SSBP4: variants seen among roughly 807,000 people sequenced by gnomAD.
SSBP4 encodes single-stranded DNA-binding protein 4.
A neutral mutation model predicts 64.6 loss-of-function variants in SSBP4; 33 were observed. That is an observed-to-expected ratio of 0.51 (90% CI 0.39 to 0.68). SSBP4 has a LOEUF of 0.68. Among genes scored for constraint, SSBP4 ranks in the 30% least tolerant of loss-of-function variants. The pLI, the probability that SSBP4 is intolerant of heterozygous loss-of-function variation, is 0.00. For missense variants in SSBP4, 583 were observed against 566.8 expected (o/e 1.03, Z -0.29); for synonymous variants, 243 against 224.0 (o/e 1.08, Z -0.76).
the SSBP4 span, among the ~76,000 whole-genome samples, chr19:18,411,639 T>C: frequency 3.9e-5 from 6 of 152,098 alleles, no homozygotes; most frequent in Non-Finnish European, 7.4e-5. Flanking sequence ...GTAGAAAAGG[T>C]ATCCCGGCCA....
At position 18,432,558 on chromosome 19, in the gene SSBP4, G is replaced by A. The variant is rs1280341210; in HGVS notation, c.705-1G>A. On this transcript the variant is annotated splice_acceptor_variant, in intron 10 of 17. Transcript: ENST00000270061. LOFTEE classifies it high-confidence loss of function. ...AGTCTGTCATCCGCGGTCTCTTCCA[G>A]GGGCCCAGGAGTTCGTGGCCCGTGG... is the stretch of plus-strand genomic sequence containing the variant. 1 of 1,573,376 alleles carries A rather than the reference G, an allele frequency of 6.4e-7. No individual in the cohort carries two copies. The highest frequency in any genetic ancestry group is 8.6e-7 in the Non-Finnish European group (1 of 1,156,350).
chr19:18,423,855 G>A lies in SSBP4; in HGVS notation c.60-3496G>A, dbSNP rs1442172428. The stretch of plus-strand genomic sequence containing the variant: ...CCTCATAGGTGACAGGCCCTGAGAG[G>A]TTGTACCGGCCCAGGGCAGGTGGCC... On this transcript the variant is annotated intron_variant, in intron 1 of 17. Coordinates refer to ENST00000270061, the MANE Select transcript of SSBP4 (RefSeq NM_032627.5). The surrounding 1 kb of genome is among the most constrained non-coding windows in gnomAD (Gnocchi z 4.0). Among the ~76,000 whole-genome samples the A allele has an allele frequency of 1.3e-5, 2 of 152,300 alleles. No homozygotes were observed. The highest frequency in any genetic ancestry group is 1.3e-4 in the Admixed American group (2 of 15,308).
chr19:18,416,980 T>C (rs887357844), upstream of SSBP4, among the ~76,000 whole-genome samples: 1 of 152,160 alleles, frequency 6.6e-6, no homozygotes. Flanking sequence ...TCCTTCCCGG[T>C]TGCCATGAGA....
At chr19:18,428,274 G>A (rs1183856296) in intron 4 of SSBP4, among the ~76,000 whole-genome samples, 1 of 152,194 alleles carries the variant, frequency 6.6e-6, no homozygotes, top group South Asian at 2.1e-4. Flanking sequence ...ACTGGGGGGT[G>A]CCATTTCCCC....
upstream of SSBP4, among the ~76,000 whole-genome samples, chr19:18,414,113 G>A (rs1972113812): frequency 6.6e-6 from 1 of 152,202 alleles, no homozygotes; most frequent in South Asian, 2.1e-4. Context: ...GCAGCCACGT[G>A]GTTAGGCCCA....
At position 18,434,273 on chromosome 19, in the gene SSBP4, C is replaced by T. The variant is rs775560813; in HGVS notation, c.*27C>T. 5 of 1,608,940 alleles carry T rather than the reference C, an allele frequency of 3.1e-6. No individual in the cohort carries two copies. Among genetic ancestry groups the T allele is most frequent in the African/African-American group, 2.7e-5 (2 of 74,654 alleles). On this transcript the variant is annotated 3_prime_UTR_variant, in exon 18 of 18. Coordinates refer to ENST00000270061, the MANE Select transcript of SSBP4 (RefSeq NM_032627.5). ...GGGGCGGCAGCCCCGGGCCTCTCTGCGGGCCTAGGCTTCTGCCCAGCGCCC... is the reference window on the plus strand; with the variant it reads ...GGGGCGGCAGCCCCGGGCCTCTCTGTGGGCCTAGGCTTCTGCCCAGCGCCC...
intron 1 of SSBP4, among the ~76,000 whole-genome samples, chr19:18,422,283 G>A (rs1267652467): frequency 6.6e-6 from 1 of 152,184 alleles, no homozygotes; most frequent in Non-Finnish European, 1.5e-5. Context: ...CTGCATTCCT[G>A]GCCCCCTTCC....
rs139476403 is a variant in SSBP4 at position 18,423,393 on chromosome 19, G to A, written c.59+3686G>A. ...GTGTGGAGGGTAGTAAGGAGAGGCCGCCACTTTGCCAAGAAGCTGCCAGAG... is the reference window on the plus strand; with the variant it reads ...GTGTGGAGGGTAGTAAGGAGAGGCCACCACTTTGCCAAGAAGCTGCCAGAG... On this transcript the variant is annotated intron_variant, in intron 1 of 17. Transcript: ENST00000270061. This position sits in a 1 kb window ranked among gnomAD's most constrained non-coding sequence, Gnocchi z 4.0. Among the ~76,000 whole-genome samples, 1 of 152,234 alleles carries A rather than the reference G, an allele frequency of 6.6e-6. No individual in the cohort carries two copies. Among genetic ancestry groups the A allele is most frequent in the Non-Finnish European group, 1.5e-5 (1 of 68,016 alleles).
chr19:18,427,828 G>A lies in SSBP4; in HGVS notation c.194+15G>A. ...TCCTGGTGGTGGTACGGGCTGGGCTGCTGTGGGTGGGCTGTGGAAGGGGGT... is the reference window on the plus strand; with the variant it reads ...TCCTGGTGGTGGTACGGGCTGGGCTACTGTGGGTGGGCTGTGGAAGGGGGT... On this transcript the variant is annotated intron_variant, in intron 3 of 17. Transcript: ENST00000270061. The surrounding 1 kb of genome is among the most constrained non-coding windows in gnomAD (Gnocchi z 4.4). 1 of 1,612,870 alleles carries A rather than the reference G, an allele frequency of 6.2e-7. No individual in the cohort carries two copies. The highest frequency in any genetic ancestry group is 8.5e-7 in the Non-Finnish European group (1 of 1,179,036).
At position 18,432,203 on chromosome 19, in the gene SSBP4, T is replaced by A. The variant is rs1175374673; in HGVS notation, c.693T>A (p.Pro231=). The A allele has an allele frequency of 6.2e-7, 1 of 1,613,040 alleles. No homozygotes were observed. Among genetic ancestry groups the A allele is most frequent in the African/African-American group, 1.3e-5 (1 of 74,946 alleles). Residue 231 remains proline, a synonymous_variant, in exon 10 of 18, where the codon CCT becomes CCA. Transcript: ENST00000270061. Reference sequence around the variant, plus strand: ...ACTCCCTCGCCGGCCCAGGCCTGCCTGCCATGAACATGTAAGACCCTGGGG... The same window carrying A: ...ACTCCCTCGCCGGCCCAGGCCTGCCAGCCATGAACATGTAAGACCCTGGGG... ...PPNSLAGPGL[P]AMNMGPGVRG... is the part of the protein sequence containing the mutation.
At chr19:18,403,535 C>T in the SSBP4 span, among the ~76,000 whole-genome samples, 7 of 151,464 alleles carry the variant, frequency 4.6e-5, no homozygotes, top group Non-Finnish European at 1.0e-4. Context: ...GTCTGGGAGT[C>T]TTGGGGTTTG....
rs1481852501 is a variant in SSBP4 at position 18,427,330 on chromosome 19, T to C, written c.60-21T>C. On this transcript the variant is annotated intron_variant, in intron 1 of 17. Coordinates refer to ENST00000270061, the MANE Select transcript of SSBP4 (RefSeq NM_032627.5). The surrounding 1 kb of genome is among the most constrained non-coding windows in gnomAD (Gnocchi z 4.4). ...CTTGCCTTGGAGAGTCTGAGCTCCC[T>C]GGGCCGCCTCGCCCCCACAGGTTGG... is the stretch of plus-strand genomic sequence containing the variant. 1.2e-6 allele frequency: 2 copies of C among 1,607,340 alleles called. No homozygotes were observed. The highest frequency in any genetic ancestry group is 4.5e-5 in the East Asian group (2 of 44,866).
chr19:18,416,867 G>A (rs1038528200), upstream of SSBP4, among the ~76,000 whole-genome samples: 2 of 152,152 alleles, frequency 1.3e-5, no homozygotes, highest in African/African-American at 2.4e-5. Context: ...CAAGGCGTGC[G>A]CCCTGGTTGG....
At position 18,430,875 on chromosome 19, in the gene SSBP4, G is replaced by A. The variant is rs1317506801; in HGVS notation, c.314G>A (p.Ser105Asn). The A allele has an allele frequency of 1.2e-6, 2 of 1,613,318 alleles. No homozygotes were observed. Among genetic ancestry groups the A allele is most frequent in the Non-Finnish European group, 1.7e-6 (2 of 1,179,872 alleles). The change falls in exon 5 of 18, where the codon AGT becomes AAT. Residue 105 changes from serine to asparagine, a missense_variant. Transcript: ENST00000270061. Reference protein sequence around the residue: ...AAAAPSPVMGSMAPGDTMAAG... With the variant: ...AAAAPSPVMGNMAPGDTMAAG... ...GCCGCCCCCAGCCCCGTTATGGGGA[G>A]TATGGCCCCAGGTGACACAATGGCC...
intron 17 of SSBP4, 137 bp from the exon 18 acceptor site, chr19:18,434,080 C>T (rs1973793312): frequency 7.3e-7 from 1 of 1,376,426 alleles, no homozygotes; most frequent in Non-Finnish European, 9.4e-7. Context: ...TCGCCCCTCC[C>T]CCGTTCCCTC....
chr19:18,431,566 G>C (rs1973384683), intron 6 of SSBP4, 81 bp from the exon 7 acceptor site: 1 of 1,491,682 alleles, frequency 6.7e-7, no homozygotes, highest in Admixed American at 2.3e-5. Flanking sequence ...CCCAGGTCGG[G>C]GGCCCCAGCA....
rs372118258 is a variant in SSBP4, at chr19:18,422,434, C to T, written c.59+2727C>T. On this transcript the variant is annotated intron_variant, in intron 1 of 17. Transcript: ENST00000270061. Reference sequence around the variant, plus strand: ...TCTTTGGTCAGAGCCAGCCTGCATGCTTCCATTTCACGGAGAGGGTCTCGT... The same window carrying T: ...TCTTTGGTCAGAGCCAGCCTGCATGTTTCCATTTCACGGAGAGGGTCTCGT... Among the ~76,000 whole-genome samples, 18 of 152,230 alleles carry T rather than the reference C, an allele frequency of 1.2e-4. No individual in the cohort carries two copies. The East Asian group carries it at 2.3e-3, about 20-fold the overall frequency.
chr19:18,422,452 G>A (rs1181555855), intron 1 of SSBP4, among the ~76,000 whole-genome samples: 1 of 152,190 alleles, frequency 6.6e-6, no homozygotes, highest in African/African-American at 2.4e-5. Flanking sequence ...TCACGGAGAG[G>A]GTCTCGTATA....
At chr19:18,418,321 T>C (rs562035149), upstream of SSBP4, among the ~76,000 whole-genome samples, 39 of 152,216 alleles carry the variant, frequency 2.6e-4, no homozygotes, top group African/African-American at 9.2e-4. This position sits in a 1 kb window ranked among gnomAD's most constrained non-coding sequence, Gnocchi z 6.7. Flanking sequence ...CGCACCGCCT[T>C]CCCCTACCCT....
Sources: gnomAD v4.1 joint callset for allele counts (sites outside exome capture counted in the v4.1 genomes callset) on GRCh38, gnomAD v4.1.1 for gene constraint, Gnocchi (gnomAD v3.1) non-coding constraint, MANE v1.5 for transcripts, NCBI Gene and HGNC (gene_info 2026-07-23, HGNC 2026-07-21) for gene names.